The following ADAM10 variants were observed in gnomAD, a reference collection of about 807,000 sequenced individuals.
ADAM10 encodes the protein disintegrin and metalloproteinase domain-containing protein 10.
In ADAM10, 17 loss-of-function variants were observed where a neutral mutation model predicts 90.1. The ratio of observed to expected loss-of-function variants is 0.19; its 90% confidence interval spans 0.13 to 0.28. ADAM10 has a LOEUF of 0.28. Ranked by LOEUF, ADAM10 falls within the 10% of genes least tolerant of loss-of-function variation. The probability of loss-of-function intolerance (pLI) is 1.00; values close to 1 mark genes in which losing one functional copy is unlikely to be tolerated. For missense variants in ADAM10, 610 were observed against 914.3 expected, an observed-to-expected ratio of 0.67 and a Z score of 4.29; for synonymous variants, 310 against 298.6, an observed-to-expected ratio of 1.04 and a Z score of -0.40.
At chr15:58,681,484 A>G (rs1207018922) in intron 3 of ADAM10, among the ~76,000 whole-genome samples, 1 of 150,536 alleles carries the variant, frequency 6.6e-6, no homozygotes, top group Non-Finnish European at 1.5e-5. Context: ...AATAATCTCA[A>G]ACAGTTTAAC....
intron 2 of ADAM10, among the ~76,000 whole-genome samples, chr15:58,689,211 C>T (rs559203878): frequency 1.4e-4 from 21 of 152,266 alleles, no homozygotes; most frequent in African/African-American, 2.2e-4. Flanking sequence ...GCAGGCCGGG[C>T]GTGGTGGCTC....
At position 58,610,138 on chromosome 15, in the gene ADAM10, A is replaced by C. The variant is rs1215693578; in HGVS notation, c.2025+159T>G. On this transcript the variant is annotated intron_variant, in intron 14 of 15. Coordinates refer to ENST00000260408, the MANE Select transcript of ADAM10 (RefSeq NM_001110.4). ...ACATGATTCTGATCACTTCAGAAGGAAATAATAACCAGAAATATTAGAACT... is the reference window on the plus strand; with the variant it reads ...ACATGATTCTGATCACTTCAGAAGGCAATAATAACCAGAAATATTAGAACT... 5 of 718,782 alleles carry C rather than the reference A, an allele frequency of 7.0e-6. No individual in the cohort carries two copies. The African/African-American group carries it at 8.8e-5, about 13-fold the overall frequency. The allele number at this position is 718,782 out of a possible 1,614,324, so 44.5% of individuals were successfully genotyped here.
At chr15:58,610,567 T>G (rs372119313) in intron 13 of ADAM10, 50 bp from the exon 14 acceptor site, 2 of 1,561,406 alleles carry the variant, frequency 1.3e-6, no homozygotes, top group Non-Finnish European at 8.8e-7. Flanking sequence ...CAAATATAAG[T>G]TGAAGATCAG....
At chr15:58,614,808 C>T (rs1252951083) in intron 11 of ADAM10, among the ~76,000 whole-genome samples, 2 of 152,218 alleles carry the variant, frequency 1.3e-5, no homozygotes, top group African/African-American at 4.8e-5. Context: ...AATTATAATG[C>T]TAACAACCTA....
intron 4 of ADAM10, among the ~76,000 whole-genome samples, chr15:58,669,540 T>C (rs1897148836): frequency 1.3e-5 from 2 of 152,216 alleles, no homozygotes; most frequent in Non-Finnish European, 2.9e-5. Flanking sequence ...TAAAATTCTT[T>C]GGGTATTTTG....
At chr15:58,682,828 T>C (rs888326497) in intron 2 of ADAM10, among the ~76,000 whole-genome samples, 13 of 152,174 alleles carry the variant, frequency 8.5e-5, no homozygotes, top group African/African-American at 3.1e-4. Context: ...TTCTAATTCT[T>C]GCAAATTATA....
chr15:58,670,318 T>C (rs754365202), intron 4 of ADAM10, among the ~76,000 whole-genome samples: 2 of 152,104 alleles, frequency 1.3e-5, no homozygotes, highest in Non-Finnish European at 1.5e-5. Flanking sequence ...TAAATCTGTG[T>C]AACCTTTTTA....
chr15:58,653,667 G>A (rs946361670), intron 5 of ADAM10, among the ~76,000 whole-genome samples: 1 of 152,096 alleles, frequency 6.6e-6, no homozygotes, highest in African/African-American at 2.4e-5. Flanking sequence ...ATAATGGCCT[G>A]TCATTTTCTT....
intron 8 of ADAM10, 22 bp from the exon 9 acceptor site, chr15:58,633,381 G>C: frequency 6.2e-7 from 1 of 1,608,666 alleles, no homozygotes; most frequent in South Asian, 1.1e-5. Flanking sequence ...CAAAAAAATG[G>C]CTAAATTAGT....
chr15:58,743,965 T>C (rs1452164351), intron 1 of ADAM10, among the ~76,000 whole-genome samples: 1 of 152,200 alleles, frequency 6.6e-6, no homozygotes, highest in Admixed American at 6.5e-5. Flanking sequence ...AGTTGGACAT[T>C]TTAGAGTATG....
intron 1 of ADAM10, among the ~76,000 whole-genome samples, chr15:58,734,696 T>A (rs1899369426): frequency 1.4e-5 from 2 of 147,398 alleles, no homozygotes; most frequent in African/African-American, 2.5e-5. Context: ...TGAGACCCTG[T>A]CTCAAAATTA....
chr15:58,713,258 C>A (rs1298387894), intron 2 of ADAM10, among the ~76,000 whole-genome samples: 6 of 152,018 alleles, frequency 3.9e-5, no homozygotes, highest in Non-Finnish European at 8.8e-5. Flanking sequence ...TGCACCACCA[C>A]ACTTTGCTAA....
At chr15:58,688,788 C>CTA (rs1460794139) in intron 2 of ADAM10, among the ~76,000 whole-genome samples, 2 of 87,510 alleles carry the variant, frequency 2.3e-5, no homozygotes, top group African/African-American at 1.4e-4. Flanking sequence ...ATATATATAT[C>CTA]TCTCTCTCTC....
chr15:58,676,001 A>G (rs1897297044), intron 4 of ADAM10: 1 of 182,184 alleles, frequency 5.5e-6, no homozygotes, highest in Non-Finnish European at 1.2e-5. Flanking sequence ...TAGTACTTAA[A>G]CCAATTATAT....
At chr15:58,673,633 C>T (rs1462397112) in intron 4 of ADAM10, among the ~76,000 whole-genome samples, 3 of 151,716 alleles carry the variant, frequency 2.0e-5, no homozygotes, top group East Asian at 1.9e-4. Context: ...ATTTATATAA[C>T]GTTACGTAAT....
intron 14 of ADAM10, among the ~76,000 whole-genome samples, chr15:58,601,271 G>A (rs931216683): frequency 1.3e-5 from 2 of 152,050 alleles, no homozygotes; most frequent in South Asian, 4.1e-4. Context: ...AGACTAGCCA[G>A]GCCCACATGG....
rs1894897237 is a variant in ADAM10, at chr15:58,594,390, C to T, written c.*3157G>A. On this transcript the variant is annotated 3_prime_UTR_variant, in exon 16 of 16. Coordinates refer to ENST00000260408, the MANE Select transcript of ADAM10 (RefSeq NM_001110.4). ...AAGAAATAATAATAATTAGGTCTTA[C>T]TACAGGGACAAATACAAGGACTGAG... The T allele has an allele frequency of 1.3e-5, 2 of 152,180 alleles. No homozygotes were observed. The highest frequency in any genetic ancestry group is 4.8e-5 in the African/African-American group (2 of 41,454). The allele number at this position is 152,180 out of a possible 1,614,324, so 9.4% of individuals were successfully genotyped here.
chr15:58,683,390 C>T (rs767806817), intron 2 of ADAM10, among the ~76,000 whole-genome samples: 1 of 152,116 alleles, frequency 6.6e-6, no homozygotes, highest in African/African-American at 2.4e-5. Flanking sequence ...TCACTTCACA[C>T]ATTTGTGACA....
intron 8 of ADAM10, 90 bp downstream of exon 8, chr15:58,640,687 T>C: frequency 7.9e-7 from 1 of 1,264,972 alleles, no homozygotes; most frequent in Non-Finnish European, 1.1e-6. Context: ...CAGGCATCAC[T>C]TTCTCCTATA....
Sources: gnomAD v4.1 joint callset for allele counts (sites outside exome capture counted in the v4.1 genomes callset) on GRCh38, gnomAD v4.1.1 for gene constraint, MANE v1.5 for transcripts, NCBI Gene and HGNC (gene_info 2026-07-23, HGNC 2026-07-21) for gene names.